BCAS3: variants seen among roughly 807,000 people sequenced by gnomAD.
The protein encoded by BCAS3 is BCAS4/BCAS3 fusion.
In BCAS3, 53 loss-of-function variants were observed where a neutral mutation model predicts 116.1. That is an observed-to-expected ratio of 0.46 (90% CI 0.37 to 0.57). The LOEUF is 0.57. Among genes scored for constraint, BCAS3 ranks in the 20% least tolerant of loss-of-function variants. The probability of loss-of-function intolerance (pLI) is 0.00; values close to 1 mark genes in which losing one functional copy is unlikely to be tolerated. For synonymous variants in BCAS3, 391 were observed against 408.2 expected, an observed-to-expected ratio of 0.96 and a Z score of 0.51; for missense variants, 917 against 1,165.4, an observed-to-expected ratio of 0.79 and a Z score of 3.10.
At chr17:60,751,648 T>G (rs2042477391) in intron 6 of BCAS3, among the ~76,000 whole-genome samples, 1 of 152,032 alleles carries the variant, frequency 6.6e-6, no homozygotes, top group South Asian at 2.1e-4. Flanking sequence ...GTTTAAGCGA[T>G]TCTCCTGCCT....
rs1308448342 is a variant in BCAS3 at position 61,229,963 on chromosome 17, G to A, written c.2426-138364G>A. 3.9e-5 allele frequency among the ~76,000 whole-genome samples: 6 copies of A among 152,110 alleles called. No homozygotes were observed. The highest frequency in any genetic ancestry group is 2.1e-4 in the South Asian group (1 of 4,826). On this transcript the variant is annotated intron_variant, in intron 22 of 23. Coordinates refer to ENST00000407086, the MANE Select transcript of BCAS3 (RefSeq NM_017679.5). The surrounding 1 kb of genome is among the most constrained non-coding windows in gnomAD (Gnocchi z 4.4). The stretch of plus-strand genomic sequence containing the variant: ...AATATAGCAAAATCTGGTCTCTACC[G>A]AAAATACAAAAATTAGCCGGGCGTG...
intron 15 of BCAS3, among the ~76,000 whole-genome samples, chr17:61,009,227 T>C (rs2064939095): frequency 6.6e-6 from 1 of 152,058 alleles, no homozygotes; most frequent in Non-Finnish European, 1.5e-5. Flanking sequence ...TAGTGTCCTT[T>C]AGCTCTTTTT....
chr17:61,232,870 A>G (rs570648679), intron 22 of BCAS3, among the ~76,000 whole-genome samples: 1 of 152,314 alleles, frequency 6.6e-6, no homozygotes, highest in Non-Finnish European at 1.5e-5. Flanking sequence ...TTGCTTATCT[A>G]TTTAGCAGGC....
At chr17:61,357,484 G>A (rs913782261) in intron 22 of BCAS3, among the ~76,000 whole-genome samples, 49 of 147,278 alleles carry the variant, frequency 3.3e-4, no homozygotes, top group Admixed American at 2.6e-3. Flanking sequence ...TTGCTTTGTC[G>A]CCCAGGCTGG....
At chr17:60,936,768 C>G (rs983231394) in intron 13 of BCAS3, among the ~76,000 whole-genome samples, 1 of 152,118 alleles carries the variant, frequency 6.6e-6, no homozygotes, top group African/African-American at 2.4e-5. Context: ...AGCCCTTTGT[C>G]AGATGAGTAG....
intron 8 of BCAS3, 76 bp downstream of exon 8, chr17:60,868,759 C>A: frequency 1.3e-6 from 1 of 763,568 alleles, no homozygotes; most frequent in Non-Finnish European, 2.1e-6. Flanking sequence ...CTACCAGTTT[C>A]AATGACTAAC....
chr17:61,007,182 A>G lies in BCAS3; in HGVS notation c.1487-8569A>G, dbSNP rs979353455. Among the ~76,000 whole-genome samples, 2 of 151,918 alleles carry G rather than the reference A, an allele frequency of 1.3e-5. No individual in the cohort carries two copies. Among genetic ancestry groups the G allele is most frequent in the African/African-American group, 4.8e-5 (2 of 41,398 alleles). Reference sequence around the variant, plus strand: ...AGAATTCCTCACAGCTAGTTCTATTATTTTTCCCTTTGTGTTCTTGCATTT... The same window carrying G: ...AGAATTCCTCACAGCTAGTTCTATTGTTTTTCCCTTTGTGTTCTTGCATTT... On this transcript the variant is annotated intron_variant, in intron 15 of 23. Transcript: ENST00000407086. This position sits in a 1 kb window ranked among gnomAD's most constrained non-coding sequence, Gnocchi z 4.3.
Position 61,187,488 on chromosome 17 carries a change from A to G in BCAS3, c.2425+102924A>G, listed in dbSNP as rs116327234. Among the ~76,000 whole-genome samples, 635 of 152,338 alleles carry G rather than the reference A, an allele frequency of 4.2e-3. 5 individuals are homozygous for G. Among genetic ancestry groups the G allele is most frequent in the African/African-American group, 0.015 (615 of 41,564 alleles). ...TCTATACTTAAAAGTTTTTCCTTCT[A>G]AAACACCTAGAGCTGAGAATGACAG... On this transcript the variant is annotated intron_variant, in intron 22 of 23. Transcript: ENST00000407086.
rs1410777279 is a variant in BCAS3, at chr17:61,084,584, A to G, written c.2425+20A>G. The G allele has an allele frequency of 3.2e-6, 5 of 1,570,906 alleles. No homozygotes were observed. Among genetic ancestry groups the G allele is most frequent in the Admixed American group, 3.3e-5 (2 of 59,894 alleles). ...CCTCAGGTAGAAAACCACCTCTGAA[A>G]TATTTATTGGGCAGTCCTGTGCATT... On this transcript the variant is annotated intron_variant, in intron 22 of 23. Transcript: ENST00000407086. This position sits in a 1 kb window ranked among gnomAD's most constrained non-coding sequence, Gnocchi z 5.5.
chr17:60,823,691 C>T lies in BCAS3; in HGVS notation c.476+15615C>T, dbSNP rs2050147279. Among the ~76,000 whole-genome samples the T allele has an allele frequency of 2.6e-5, 4 of 152,116 alleles. No individual in the cohort carries two copies. The South Asian group carries it at 6.2e-4, about 24-fold the overall frequency. On this transcript the variant is annotated intron_variant, in intron 7 of 23. Coordinates refer to ENST00000407086, the MANE Select transcript of BCAS3 (RefSeq NM_017679.5). ...ACTGGTTTTTTGTTCTAGGAAGTTT[C>T]GTCATCTCCAAAAATAGTCACGGTG...
At chr17:60,880,304 T>C (rs1012588688) in intron 9 of BCAS3, among the ~76,000 whole-genome samples, 33 of 152,306 alleles carry the variant, frequency 2.2e-4, no homozygotes, top group African/African-American at 7.2e-4. Context: ...GTTTGTGTTT[T>C]TTTGAGATGG....
At chr17:60,811,128 G>C (rs2048774063) in intron 7 of BCAS3, 1 of 631,092 alleles carries the variant, frequency 1.6e-6, no homozygotes, top group Non-Finnish European at 2.9e-6. Context: ...CCAGCTTGCA[G>C]AACAGCCTGA....
intron 7 of BCAS3, among the ~76,000 whole-genome samples, chr17:60,843,589 C>G (rs2144770899): frequency 6.6e-6 from 1 of 152,096 alleles, no homozygotes; most frequent in East Asian, 1.9e-4. Flanking sequence ...TCTTGTTCCT[C>G]TCCCTACACT....
chr17:61,016,785 A>G (rs2065486411), intron 16 of BCAS3, among the ~76,000 whole-genome samples: 1 of 152,200 alleles, frequency 6.6e-6, no homozygotes, highest in African/African-American at 2.4e-5. Flanking sequence ...AATGAAAGGA[A>G]TATATTATTT....
chr17:60,972,861 G>A (rs988644103), intron 14 of BCAS3, among the ~76,000 whole-genome samples: 2 of 152,072 alleles, frequency 1.3e-5, no homozygotes, highest in Non-Finnish European at 2.9e-5. Context: ...ATTTCTATAT[G>A]TTTTCATTAA....
chr17:61,175,171 C>G (rs10853026), intron 22 of BCAS3, among the ~76,000 whole-genome samples: 106,832 of 151,974 alleles, frequency 0.7, 38,749 homozygotes, highest in South Asian at 0.87. Flanking sequence ...CTTTCGGAGG[C>G]CAAGGCAGGA....
intron 7 of BCAS3, among the ~76,000 whole-genome samples, chr17:60,831,769 A>G (rs2050960235): frequency 6.6e-6 from 1 of 151,750 alleles, no homozygotes; most frequent in Admixed American, 6.6e-5. Flanking sequence ...AAGCCCTCAA[A>G]TATGTGGTAT....
At chr17:60,691,028 G>A (rs2034749825) in intron 4 of BCAS3, among the ~76,000 whole-genome samples, 1 of 152,052 alleles carries the variant, frequency 6.6e-6, no homozygotes, top group Admixed American at 6.6e-5. Flanking sequence ...CGCCTCCTGG[G>A]TTCAGGTGAT....
At chr17:60,879,471 G>A (rs548377955) in intron 9 of BCAS3, among the ~76,000 whole-genome samples, 3 of 152,292 alleles carry the variant, frequency 2.0e-5, no homozygotes, top group South Asian at 4.1e-4. Flanking sequence ...CATCCAATAT[G>A]ATGAGAAAGG....
Sources: allele counts gnomAD v4.1 joint callset (sites outside exome capture counted in the v4.1 genomes callset), GRCh38; gene constraint gnomAD v4.1.1; non-coding constraint Gnocchi (gnomAD v3.1); transcripts MANE v1.5; gene names NCBI Gene and HGNC (gene_info 2026-07-23, HGNC 2026-07-21).